The following ZNF267 variants were observed in gnomAD, a reference collection of about 807,000 sequenced individuals.
ZNF267 encodes the protein zinc finger protein 267.
ZNF267 carries 61 observed loss-of-function variants against 71.6 expected under a neutral mutation model. The observed-to-expected ratio is 0.85, with a 90% confidence interval of 0.69 to 1.05. The LOEUF (loss-of-function observed/expected upper bound fraction) is 1.05, where lower values mean the gene tolerates loss of function less well. Among genes scored for constraint, ZNF267 ranks in the 50% least tolerant of loss-of-function variants. The probability of loss-of-function intolerance (pLI) is 0.00; values close to 1 mark genes in which losing one functional copy is unlikely to be tolerated. For synonymous variants in ZNF267, 288 were observed against 293.2 expected (o/e 0.98, Z 0.18); for missense variants, 852 against 870.0 (o/e 0.98, Z 0.26).
Position 31,915,153 on chromosome 16 carries a change from A to G in ZNF267, c.904A>G (p.Lys302Glu), listed in dbSNP as rs956236651. The change falls in exon 4 of 4, where the codon AAA becomes GAA. Residue 302 changes from lysine to glutamate, a missense_variant. Lys to Glu is a moderately conservative substitution (Grantham distance 56). Transcript: ENST00000300870. ...ENSYSYNKYD[K>E]DLSQSSNLRK... is the part of the protein sequence containing the mutation. ...CTCATATAGCTATAACAAATATGAT[A>G]AAGATCTTAGTCAGTCATCAAATCT... The G allele has an allele frequency of 1.9e-6, 3 of 1,612,870 alleles. No individual in the cohort carries two copies. The highest frequency in any genetic ancestry group is 1.7e-5 in the Admixed American group (1 of 59,796).
intron 1 of ZNF267, among the ~76,000 whole-genome samples, chr16:31,878,906 G>C (rs1389567345): frequency 6.6e-6 from 1 of 151,984 alleles, no homozygotes; most frequent in Non-Finnish European, 1.5e-5. Context: ...AGAAATACAA[G>C]ACTTAATCCT....
chr16:31,885,840 T>A (rs773698063), intron 3 of ZNF267, among the ~76,000 whole-genome samples: 6 of 151,710 alleles, frequency 4.0e-5, no homozygotes, highest in Non-Finnish European at 8.9e-5. Context: ...CTTCAACTTC[T>A]CATTTTTTCT....
intron 3 of ZNF267, among the ~76,000 whole-genome samples, chr16:31,908,600 G>A (rs1477240981): frequency 6.6e-6 from 1 of 151,790 alleles, no homozygotes; most frequent in Admixed American, 6.6e-5. Flanking sequence ...TCTAGTTTCT[G>A]TTTTTAATGA....
chr16:31,890,091 G>A (rs890667607), intron 3 of ZNF267: 1 of 152,148 alleles, frequency 6.6e-6, no homozygotes, highest in Admixed American at 6.5e-5. Context: ...TGAGAAGAAT[G>A]TGTATTCTCA....
rs551386572 is a variant in ZNF267, at chr16:31,902,058, C to T, written c.227-12418C>T. On this transcript the variant is annotated intron_variant, in intron 3 of 3. Transcript: ENST00000300870. The stretch of plus-strand genomic sequence containing the variant: ...CCATTTATTAAATAGGGAATCCTTT[C>T]CCCATTGCTTGTTTTTGTCAGGTTT... Among the ~76,000 whole-genome samples the T allele has an allele frequency of 3.9e-5, 6 of 152,330 alleles. No individual in the cohort carries two copies. The South Asian group carries it at 1.2e-3, about 32-fold the overall frequency.
chr16:31,904,600 G>C (rs1435311159), intron 3 of ZNF267, among the ~76,000 whole-genome samples: 1 of 152,098 alleles, frequency 6.6e-6, no homozygotes, highest in African/African-American at 2.4e-5. Flanking sequence ...CAGAGACTAG[G>C]ATTGCAACCC....
intron 1 of ZNF267, among the ~76,000 whole-genome samples, chr16:31,878,042 G>C (rs983819794): frequency 2.6e-5 from 4 of 152,196 alleles, no homozygotes; most frequent in African/African-American, 9.7e-5. Flanking sequence ...AGTGGGGGCA[G>C]TGTTGTGGGA....
intron 1 of ZNF267, among the ~76,000 whole-genome samples, chr16:31,874,450 T>A (rs113588940): frequency 2.0e-5 from 3 of 152,184 alleles, no homozygotes; most frequent in Non-Finnish European, 4.4e-5. Context: ...GGTTCGGAGA[T>A]CCCCAGAGGG....
intron 1 of ZNF267, among the ~76,000 whole-genome samples, chr16:31,880,859 A>G (rs1445178001): frequency 2.6e-5 from 4 of 152,210 alleles, no homozygotes; most frequent in Admixed American, 1.3e-4. Context: ...GCCACTAGGA[A>G]AACAGATGCA....
chr16:31,900,176 C>A (rs1286448989), intron 3 of ZNF267, among the ~76,000 whole-genome samples: 2 of 151,536 alleles, frequency 1.3e-5, no homozygotes, highest in African/African-American at 4.8e-5. Context: ...AAAAAGAGAG[C>A]CATACAGTCA....
chr16:31,873,814 G>A lies in ZNF267; in HGVS notation c.-153G>A. ...GGGGCCTTCGTCGGCTCCAGTTAGA[G>A]CTCGGGTCTCCTCGCCACAGCTCCG... is the stretch of plus-strand genomic sequence containing the variant. On this transcript the variant is annotated 5_prime_UTR_variant, in exon 1 of 4. Coordinates refer to ENST00000300870, the MANE Select transcript of ZNF267 (RefSeq NM_003414.6). The A allele has an allele frequency of 9.5e-7, 1 of 1,050,970 alleles. No individual in the cohort carries two copies. The highest frequency in any genetic ancestry group is 1.4e-6 in the Non-Finnish European group (1 of 689,850). 65.1% of individuals were successfully genotyped at this position (1,050,970 alleles called of 1,614,324 possible). A position where few individuals can be genotyped will look rare whatever the true frequency, so the allele number is the denominator to read the frequency against.
intron 3 of ZNF267, among the ~76,000 whole-genome samples, chr16:31,898,430 T>A (rs1035143592): frequency 3.3e-5 from 5 of 152,160 alleles, no homozygotes; most frequent in African/African-American, 1.2e-4. Context: ...GATTTAATTT[T>A]TTTTATGTAC....
intron 1 of ZNF267, among the ~76,000 whole-genome samples, chr16:31,878,830 A>G (rs1406210357): frequency 6.6e-6 from 1 of 152,194 alleles, no homozygotes; most frequent in Non-Finnish European, 1.5e-5. Flanking sequence ...ACCTATTGGA[A>G]CTCAGATGTC....
intron 1 of ZNF267, chr16:31,874,181 A>G: frequency 1.9e-6 from 1 of 520,724 alleles, no homozygotes; most frequent in Non-Finnish European, 3.4e-6. Flanking sequence ...TCCCATCCCG[A>G]CCCCGCAGAG....
chr16:31,875,371 C>T (rs1256285343), intron 1 of ZNF267: 2 of 1,223,718 alleles, frequency 1.6e-6, no homozygotes, highest in Non-Finnish European at 2.1e-6. Flanking sequence ...CCTGGGACAC[C>T]CTTAACCTAA....
intron 3 of ZNF267, among the ~76,000 whole-genome samples, chr16:31,905,492 T>C (rs991485249): frequency 2.6e-5 from 4 of 152,206 alleles, no homozygotes; most frequent in Non-Finnish European, 5.9e-5. Context: ...TTTCTTTTTA[T>C]TCTTTTTTCT....
intron 3 of ZNF267, among the ~76,000 whole-genome samples, chr16:31,911,543 T>A (rs1342411644): frequency 6.6e-6 from 1 of 151,658 alleles, no homozygotes; most frequent in African/African-American, 2.4e-5. Context: ...TTTTTCAGTC[T>A]ATGTGTATCT....
At chr16:31,897,421 T>C (rs901517107) in intron 3 of ZNF267, among the ~76,000 whole-genome samples, 4 of 152,152 alleles carry the variant, frequency 2.6e-5, no homozygotes, top group Non-Finnish European at 5.9e-5. Context: ...ATTTACTATA[T>C]ACATGAGGAT....
intron 1 of ZNF267, among the ~76,000 whole-genome samples, chr16:31,881,851 G>A (rs1219198074): frequency 6.6e-6 from 1 of 151,892 alleles, no homozygotes; most frequent in Non-Finnish European, 1.5e-5. Flanking sequence ...TTTTAGTAGA[G>A]ACAGGGTTTC....
Sources: allele counts gnomAD v4.1 joint callset (sites outside exome capture counted in the v4.1 genomes callset), GRCh38; gene constraint gnomAD v4.1.1; transcripts MANE v1.5; gene names NCBI Gene and HGNC (gene_info 2026-07-23, HGNC 2026-07-21).